The following KHDRBS2 variants were observed in gnomAD, a reference collection of about 807,000 sequenced individuals.
KHDRBS2 encodes the protein KH domain-containing, RNA-binding, signal transduction-associated protein 2.
KHDRBS2 carries 26 observed loss-of-function variants against 44.3 expected under a neutral mutation model. The ratio of observed to expected loss-of-function variants is 0.59; its 90% CI spans 0.43 to 0.81. KHDRBS2 has a LOEUF of 0.81. Ranked by LOEUF, KHDRBS2 falls within the 40% of genes least tolerant of loss-of-function variation. KHDRBS2 has a pLI of 0.00. For synonymous variants in KHDRBS2, 194 were observed against 151.1 expected (o/e 1.28, Z -2.08); for missense variants, 476 against 433.1 (o/e 1.10, Z -0.88).
chr6:61,728,031 G>T (rs903074593), intron 7 of KHDRBS2, among the ~76,000 whole-genome samples: 9 of 151,166 alleles, frequency 6.0e-5, no homozygotes, highest in African/African-American at 1.9e-4. Flanking sequence ...CCTAAACCAT[G>T]TTGGGTTGAT....
chr6:61,674,975 T>TA (rs1765841500), downstream of KHDRBS2, among the ~76,000 whole-genome samples: 1 of 151,814 alleles, frequency 6.6e-6, no homozygotes, highest in South Asian at 2.1e-4. Context: ...GTATAATTTG[T>TA]AAAGATCAAA....
chr6:62,237,328 T>C (rs1833866427), intron 1 of KHDRBS2, among the ~76,000 whole-genome samples: 1 of 152,166 alleles, frequency 6.6e-6, no homozygotes, highest in African/African-American at 2.4e-5. Flanking sequence ...CTGTAAGTGG[T>C]CTATTATTTT....
chr6:61,581,296 T>G, the KHDRBS2 span, among the ~76,000 whole-genome samples: 1 of 152,134 alleles, frequency 6.6e-6, no homozygotes, highest in Non-Finnish European at 1.5e-5. Context: ...ATTTGGTGGT[T>G]TAATTCTTCT....
At chr6:62,064,766 C>A (rs1341136738) in intron 2 of KHDRBS2, among the ~76,000 whole-genome samples, 3 of 151,906 alleles carry the variant, frequency 2.0e-5, no homozygotes, top group South Asian at 2.1e-4. Flanking sequence ...GCAACAAAAG[C>A]CAAAATTGAC....
intron 3 of KHDRBS2, among the ~76,000 whole-genome samples, chr6:61,986,000 G>A (rs1041085388): frequency 2.0e-5 from 3 of 152,076 alleles, no homozygotes; most frequent in African/African-American, 7.2e-5. Flanking sequence ...GATTTTGGAA[G>A]CACTAGAGTA....
chr6:62,264,907 A>C (rs1257996509), intron 1 of KHDRBS2, among the ~76,000 whole-genome samples: 1 of 151,806 alleles, frequency 6.6e-6, no homozygotes, highest in Non-Finnish European at 1.5e-5. Context: ...ACAACTTCAC[A>C]TGACTAACAA....
chr6:61,591,545 G>A, the KHDRBS2 span, among the ~76,000 whole-genome samples: 1,440 of 152,118 alleles, frequency 9.5e-3, 4 homozygotes, highest in Middle Eastern at 0.024. Context: ...GCTGTATCTC[G>A]TGCACCTAGA....
At chr6:62,056,663 T>A (rs1790352578) in intron 2 of KHDRBS2, among the ~76,000 whole-genome samples, 1 of 152,134 alleles carries the variant, frequency 6.6e-6, no homozygotes, top group South Asian at 2.1e-4. Context: ...GAGTTAAATG[T>A]CACTGAACTT....
At chr6:62,210,794 T>G (rs1828917076) in intron 1 of KHDRBS2, among the ~76,000 whole-genome samples, 1 of 152,150 alleles carries the variant, frequency 6.6e-6, no homozygotes, top group African/African-American at 2.4e-5. Context: ...TTAATTTAAT[T>G]CATTGATATT....
At chr6:62,075,207 G>A (rs1265017343) in intron 2 of KHDRBS2, among the ~76,000 whole-genome samples, 2 of 151,858 alleles carry the variant, frequency 1.3e-5, no homozygotes, top group African/African-American at 4.8e-5. Flanking sequence ...GCCTTTGGGA[G>A]GTGATCAGGT....
At chr6:61,874,871 C>T (rs1261998002) in intron 6 of KHDRBS2, among the ~76,000 whole-genome samples, 1 of 152,128 alleles carries the variant, frequency 6.6e-6, no homozygotes, top group Admixed American at 6.6e-5. Context: ...AGGGATTCCA[C>T]ATCTCTTTAG....
In KHDRBS2 at chr6:61,813,198, C is replaced by T. The variant is rs1461089935; in HGVS notation, c.811-80434G>A. On this transcript the variant is annotated intron_variant, in intron 6 of 8. Transcript: ENST00000281156. ...ATTCTGGTATTATGAAAATGACATA[C>T]AGGAGGAAAAGAAAGATGATCCAAG... Among the ~76,000 whole-genome samples the T allele has an allele frequency of 2.0e-5, 3 of 152,028 alleles. No homozygotes were observed. The South Asian group carries it at 6.2e-4, about 32-fold the overall frequency.
At chr6:61,739,101 T>C (rs1358257888) in intron 6 of KHDRBS2, among the ~76,000 whole-genome samples, 5 of 151,946 alleles carry the variant, frequency 3.3e-5, no homozygotes, top group Non-Finnish European at 7.4e-5. Context: ...ATAACTAAAA[T>C]ATAGAATTTA....
At chr6:62,172,602 C>G (rs751795769) in intron 2 of KHDRBS2, among the ~76,000 whole-genome samples, 27 of 150,242 alleles carry the variant, frequency 1.8e-4, no homozygotes, top group Non-Finnish European at 3.7e-4. Context: ...ATCTAAAGAA[C>G]TCTCTACCCC....
chr6:61,902,049 G>C (rs950461071), intron 4 of KHDRBS2, among the ~76,000 whole-genome samples: 3 of 152,084 alleles, frequency 2.0e-5, no homozygotes, highest in African/African-American at 7.2e-5. Flanking sequence ...TCCGCTTCCC[G>C]GGTTAAAGCA....
chr6:62,088,358 G>A (rs1182890875), intron 2 of KHDRBS2, among the ~76,000 whole-genome samples: 1 of 152,140 alleles, frequency 6.6e-6, no homozygotes, highest in Non-Finnish European at 1.5e-5. Context: ...TGTCTTTGCT[G>A]TTGGTGATCT....
intron 2 of KHDRBS2, among the ~76,000 whole-genome samples, chr6:62,129,827 T>C (rs1809859397): frequency 2.0e-5 from 3 of 152,272 alleles, no homozygotes; most frequent in Admixed American, 6.5e-5. Context: ...CACAGTTTTA[T>C]TGGAGAATGG....
the KHDRBS2 span, among the ~76,000 whole-genome samples, chr6:61,606,172 G>A: frequency 3.2e-4 from 49 of 152,102 alleles, no homozygotes; most frequent in Admixed American, 5.9e-4. Flanking sequence ...TCCCTTCGCT[G>A]AGTCTCTTTT....
chr6:61,996,588 T>C (rs1023998955), intron 3 of KHDRBS2, among the ~76,000 whole-genome samples: 2 of 152,172 alleles, frequency 1.3e-5, no homozygotes, highest in African/African-American at 4.8e-5. Context: ...AATGGAAATG[T>C]TCCTCCTCTG....
Sources: allele counts gnomAD v4.1 joint callset (sites outside exome capture counted in the v4.1 genomes callset), GRCh38; gene constraint gnomAD v4.1.1; transcripts MANE v1.5; gene names NCBI Gene and HGNC (gene_info 2026-07-23, HGNC 2026-07-21).